TAB2: variants seen among roughly 807,000 people sequenced by gnomAD.
TAB2 encodes the protein TGF-beta-activated kinase 1 and MAP3K7-binding protein 2.
A neutral mutation model predicts 65.0 loss-of-function variants in TAB2; 3 were observed. That is an observed-to-expected ratio of 0.05 (90% CI 0.02 to 0.12). The LOEUF (loss-of-function observed/expected upper bound fraction) is 0.12. Ranked by LOEUF, TAB2 falls within the 10% of genes least tolerant of loss-of-function variation. The probability of loss-of-function intolerance (pLI) is 1.00; values close to 1 mark genes in which losing one functional copy is unlikely to be tolerated. For synonymous variants in TAB2, 298 were observed against 285.1 expected, an observed-to-expected ratio of 1.05 and a Z score of -0.46; for missense variants, 623 against 840.3, an observed-to-expected ratio of 0.74 and a Z score of 3.20.
chr6:149,379,756 A>G (rs903326971), intron 3 of TAB2, among the ~76,000 whole-genome samples: 3 of 152,236 alleles, frequency 2.0e-5, no homozygotes, highest in South Asian at 2.1e-4. Flanking sequence ...GAGTAACCAA[A>G]TCTGGTTAGT....
chr6:149,393,751 T>C (rs1782074432), intron 3 of TAB2, among the ~76,000 whole-genome samples: 1 of 152,230 alleles, frequency 6.6e-6, no homozygotes, highest in Non-Finnish European at 1.5e-5. Flanking sequence ...ATTATTTTTA[T>C]GATTTTCCAT....
At chr6:149,400,553 A>G in intron 6 of TAB2, 2 of 1,614,270 alleles carry the variant, frequency 1.2e-6, no homozygotes, top group South Asian at 1.1e-5. Context: ...GGGGATTGTC[A>G]GTGAAGCAGA....
intron 1 of TAB2, among the ~76,000 whole-genome samples, chr6:149,281,289 C>A (rs1288681070): frequency 6.6e-6 from 1 of 151,862 alleles, no homozygotes; most frequent in East Asian, 1.9e-4. Flanking sequence ...ATACTCCATG[C>A]GAACTGGTAC....
rs2114712299 is a variant in TAB2 at position 149,311,343 on chromosome 6, G to T, written c.-120-66675G>T. On this transcript the variant is annotated intron_variant, in intron 1 of 1. Transcript: ENST00000606202. ...TCAACTCTTGTTCAAGGTTCATCTG[G>T]AATATCACCTCCAATAACCCTCTCC... Among the ~76,000 whole-genome samples the T allele has an allele frequency of 1.3e-5, 2 of 152,184 alleles. 1 individual carries two copies. Among genetic ancestry groups the T allele is most frequent in the South Asian group, 4.1e-4 (2 of 4,822 alleles).
chr6:149,322,126 T>C (rs1481822437), intron 1 of TAB2, among the ~76,000 whole-genome samples: 8 of 152,170 alleles, frequency 5.3e-5, no homozygotes, highest in Admixed American at 1.3e-4. Flanking sequence ...TGAGCACTTA[T>C]TATGTGCTAG....
chr6:149,373,725 AC>A (rs1443152780), intron 2 of TAB2, among the ~76,000 whole-genome samples: 1 of 152,230 alleles, frequency 6.6e-6, no homozygotes, highest in Non-Finnish European at 1.5e-5. Context: ...GTGGCTGTAT[AC>A]CAAAAAGCAG....
At chr6:149,362,373 A>T (rs1381562003) in intron 1 of TAB2, among the ~76,000 whole-genome samples, 1 of 152,294 alleles carries the variant, frequency 6.6e-6, no homozygotes, top group South Asian at 2.1e-4. Flanking sequence ...GGGAACCTGG[A>T]TATCACATAG....
intron 1 of TAB2, among the ~76,000 whole-genome samples, chr6:149,341,813 A>G (rs494340): frequency 0.12 from 18,589 of 152,128 alleles, 1,735 homozygotes; most frequent in East Asian, 0.51. Context: ...TTTTCACAAC[A>G]TCTATGATAA....
intron 1 of TAB2, among the ~76,000 whole-genome samples, chr6:149,344,885 A>G (rs1780243853): frequency 6.6e-6 from 1 of 152,216 alleles, no homozygotes; most frequent in South Asian, 2.1e-4. Context: ...TGTTTAAGGC[A>G]TTTAGCACAG....
intron 3 of TAB2, 103 bp from the exon 4 acceptor site, chr6:149,397,501 A>G (rs1271163091): frequency 7.5e-7 from 1 of 1,338,474 alleles, no homozygotes; most frequent in South Asian, 1.2e-5. Context: ...GTTTTAATGT[A>G]GCTTTGGGAT....
chr6:149,248,475 A>AGGAAGGAAG (rs2114651242), intron 1 of TAB2, among the ~76,000 whole-genome samples: 1 of 104,472 alleles, frequency 9.6e-6, no homozygotes, highest in East Asian at 3.5e-4. Context: ...AAGGAAAGAA[A>AGGAAGGAAG]GAAAGAAAGA....
At chr6:149,395,358 GTTT>G (rs1362272441) in intron 3 of TAB2, among the ~76,000 whole-genome samples, 1 of 152,168 alleles carries the variant, frequency 6.6e-6, no homozygotes, top group African/African-American at 2.4e-5. Context: ...TCCCTGTCTG[GTTT>G]TTGTTTTGTA....
At chr6:149,280,786 G>A (rs183246882) in intron 1 of TAB2, among the ~76,000 whole-genome samples, 1 of 152,122 alleles carries the variant, frequency 6.6e-6, no homozygotes, top group Admixed American at 6.5e-5. Flanking sequence ...CAAAAAATTA[G>A]TCAGGCCTGG....
chr6:149,388,505 T>C (rs1328271243), intron 3 of TAB2, among the ~76,000 whole-genome samples: 1 of 152,214 alleles, frequency 6.6e-6, no homozygotes, highest in African/African-American at 2.4e-5. Context: ...TACTTACAAA[T>C]GGGTAACATT....
chr6:149,359,600 ATG>A (rs1342133402), intron 1 of TAB2, among the ~76,000 whole-genome samples: 1 of 152,184 alleles, frequency 6.6e-6, no homozygotes, highest in Admixed American at 6.5e-5. Flanking sequence ...TGGTCCTATA[ATG>A]TGTCTTCTTT....
chr6:149,227,371 A>T (rs112852010), intron 1 of TAB2, among the ~76,000 whole-genome samples: 4 of 152,272 alleles, frequency 2.6e-5, no homozygotes, highest in African/African-American at 9.6e-5. Context: ...ATGAGTCAAG[A>T]TTGCTTGTGA....
chr6:149,409,459 C>A, intron 6 of TAB2, 118 bp from the exon 7 acceptor site: 1 of 879,326 alleles, frequency 1.1e-6, no homozygotes, highest in Non-Finnish European at 1.8e-6. Context: ...CAGCTAGATG[C>A]CCCATTTGGG....
intron 1 of TAB2, among the ~76,000 whole-genome samples, chr6:149,277,124 G>A (rs1349245764): frequency 3.3e-5 from 5 of 152,166 alleles, no homozygotes. Flanking sequence ...CCAGCCATGT[G>A]GGACTGTGAG....
At chr6:149,277,954 C>T (rs1778506863) in intron 1 of TAB2, among the ~76,000 whole-genome samples, 1 of 109,520 alleles carries the variant, frequency 9.1e-6, no homozygotes, top group African/African-American at 4.9e-5. Flanking sequence ...CAGCACTTTT[C>T]AAAAACATAT....
Sources: gnomAD v4.1 joint callset for allele counts (sites outside exome capture counted in the v4.1 genomes callset) on GRCh38, gnomAD v4.1.1 for gene constraint, MANE v1.5 for transcripts, NCBI Gene and HGNC (gene_info 2026-07-23, HGNC 2026-07-21) for gene names.